Variants in PIEZO1 observed in about 807,000 individuals in gnomAD.
PIEZO1 encodes the protein piezo type mechanosensitive ion channel component 1 (Er blood group).
PIEZO1 carries 296 observed loss-of-function variants against 297.2 expected under a neutral mutation model. That is an observed-to-expected ratio of 1.00 (90% CI 0.91 to 1.10). The LOEUF (loss-of-function observed/expected upper bound fraction) is 1.10, where lower values mean the gene tolerates loss of function less well. Among genes scored for constraint, PIEZO1 ranks in the 50% least tolerant of loss-of-function variants. PIEZO1 has a pLI of 0.00. For missense variants in PIEZO1, 5,018 were observed against 3,455.5 expected, an observed-to-expected ratio of 1.45 and a Z score of -11.34; for synonymous variants, 2,427 against 1,507.5, an observed-to-expected ratio of 1.61 and a Z score of -14.13.
chr16:88,749,164 T>C lies in PIEZO1; in HGVS notation c.160+220A>G, dbSNP rs371998637. Among the ~76,000 whole-genome samples the C allele has an allele frequency of 1.4e-3, 209 of 150,458 alleles. 1 individual carries two copies. The highest frequency in any genetic ancestry group is 4.4e-3 in the Admixed American group (66 of 15,092). The stretch of plus-strand genomic sequence containing the variant: ...CTGAGGCAGGAGAATGGCGTGAACC[T>C]GGGAGGCGAAGCCTGCAGTGAGCAG... On this transcript the variant is annotated intron_variant, in intron 2 of 50. Coordinates refer to ENST00000301015, the MANE Select transcript of PIEZO1 (RefSeq NM_001142864.4).
At chr16:88,749,672 G>C (rs1906284318) in intron 1 of PIEZO1, among the ~76,000 whole-genome samples, 193 bp from the exon 2 acceptor site, 1 of 152,238 alleles carries the variant, frequency 6.6e-6, no homozygotes. Flanking sequence ...ACGGGCACCA[G>C]CCTCCCAGCG....
Position 88,716,154 on chromosome 16 carries a change from G to C in PIEZO1, c.7130-35C>G, listed in dbSNP as rs1039689538. 9 of 1,526,130 alleles carry C rather than the reference G, an allele frequency of 5.9e-6. No individual in the cohort carries two copies. The African/African-American group carries it at 1.1e-4, about 19-fold the overall frequency. 94.5% of individuals were successfully genotyped at this position (1,526,130 alleles called of 1,614,324 possible). On this transcript the variant is annotated intron_variant, in intron 49 of 50. Coordinates refer to ENST00000301015, the MANE Select transcript of PIEZO1 (RefSeq NM_001142864.4). ...AGGGAGAAGATCGTTGAGGCCGCAG[G>C]TCACCCCTCTCTAGCCTCCCCCAAC...
At chr16:88,765,489 A>C (rs1394717546) in intron 1 of PIEZO1, among the ~76,000 whole-genome samples, 1 of 152,116 alleles carries the variant, frequency 6.6e-6, no homozygotes, top group East Asian at 1.9e-4. Context: ...CAGTAAGTGA[A>C]ATGGGGACAG....
At position 88,731,862 on chromosome 16, in the gene PIEZO1, G is replaced by T; in HGVS notation, c.3040C>A (p.Leu1014Met). 2 of 1,521,632 alleles carry T rather than the reference G, an allele frequency of 1.3e-6. No homozygotes were observed. Among genetic ancestry groups the T allele is most frequent in the South Asian group, 1.2e-5 (1 of 83,694 alleles). The allele number at this position is 1,521,632 out of a possible 1,614,324, so 94.3% of individuals were successfully genotyped here. Residue 1014 changes from leucine to methionine, a missense_variant, in exon 22 of 51, where the codon CTG (leucine) becomes ATG (methionine). Transcript: ENST00000301015. ...VNVIGQRMNF[L>M]VTLHGCWLVA... is the part of the protein sequence containing the mutation. ...AGCCAGCAACCGTGCAGGGTCACCA[G>T]AAAGTTCATGCGCTGCCCGATCACG...
At chr16:88,723,691 G>A (rs1183442034) in intron 31 of PIEZO1, among the ~76,000 whole-genome samples, 180 bp downstream of exon 31, 5 of 152,268 alleles carry the variant, frequency 3.3e-5, no homozygotes, top group Admixed American at 2.0e-4. Flanking sequence ...CATGACCCAT[G>A]TCCCTGTAGC....
chr16:88,721,508 C>T, intron 38 of PIEZO1, 30 bp downstream of exon 38: 2 of 1,541,422 alleles, frequency 1.3e-6, no homozygotes, highest in Non-Finnish European at 1.8e-6. Flanking sequence ...CCTGCCCAGC[C>T]CCGCATTGCC....
chr16:88,723,343 C>T lies in PIEZO1; in HGVS notation c.4336-15G>A. On this transcript the variant is annotated splice_polypyrimidine_tract_variant and intron_variant, in intron 31 of 50. Coordinates refer to ENST00000301015, the MANE Select transcript of PIEZO1 (RefSeq NM_001142864.4). ...TGGTACGCCAGCTGTCGGCCAGCCCCCGGGTTAGGACCCGGCCTCCCGAGC... is the reference window on the plus strand; with the variant it reads ...TGGTACGCCAGCTGTCGGCCAGCCCTCGGGTTAGGACCCGGCCTCCCGAGC... 2 of 1,536,640 alleles carry T rather than the reference C, an allele frequency of 1.3e-6. No homozygotes were observed. Among genetic ancestry groups the T allele is most frequent in the Non-Finnish European group, 1.7e-6 (2 of 1,146,516 alleles).
Position 88,743,662 on chromosome 16 carries a change from G to A in PIEZO1, c.161-1240C>T, listed in dbSNP as rs139579332. ...TTGGACACTCAGCCCCCTCTTTCTG[G>A]AGCAAAGACTCATGACCCACGTCCA... On this transcript the variant is annotated intron_variant, in intron 2 of 50. Transcript: ENST00000301015. The A allele has an allele frequency of 6.8e-5, 31 of 456,538 alleles. 1 individual carries two copies. The Middle Eastern group carries it at 1.3e-3, about 19-fold the overall frequency. The allele number at this position is 456,538 out of a possible 1,614,324, so 28.3% of individuals were successfully genotyped here.
intron 1 of PIEZO1, among the ~76,000 whole-genome samples, chr16:88,753,022 C>T (rs929331556): frequency 6.6e-6 from 1 of 151,794 alleles, no homozygotes; most frequent in African/African-American, 2.4e-5. Flanking sequence ...CACTCACCAA[C>T]AACACAGACA....
In PIEZO1 at chr16:88,716,027, G is replaced by A. The variant is rs1277759190; in HGVS notation, c.7222C>T (p.Leu2408=). The A allele has an allele frequency of 2.1e-5, 33 of 1,550,116 alleles. No individual in the cohort carries two copies. The highest frequency in any genetic ancestry group is 2.7e-5 in the Non-Finnish European group (31 of 1,146,926). Residue 2408 remains leucine, a synonymous_variant, in exon 50 of 51, where the codon CTG becomes TTG. Coordinates refer to ENST00000301015, the MANE Select transcript of PIEZO1 (RefSeq NM_001142864.4). ...TGFLEWWVIE[L]QECRTDCNLL... ...TTGCAGTCGGTCCGGCACTCCTGCA[G>A]CTCGATGACCCACCATTCGAGGAAG...
intron 1 of PIEZO1, among the ~76,000 whole-genome samples, chr16:88,769,947 G>T (rs1396831656): frequency 6.6e-6 from 1 of 152,192 alleles, no homozygotes; most frequent in Non-Finnish European, 1.5e-5. Context: ...ATGCCACATG[G>T]CGGGGCAGCA....
At position 88,728,539 on chromosome 16, in the gene PIEZO1, G is replaced by A. The variant is rs570164377; in HGVS notation, c.3197-878C>T. On this transcript the variant is annotated intron_variant, in intron 22 of 50. Coordinates refer to ENST00000301015, the MANE Select transcript of PIEZO1 (RefSeq NM_001142864.4). ...CCCACAGCCCCATCTGCCACAGAGGGAACCTCGCGACCCAAAAACAAAGTG... is the reference window on the plus strand; with the variant it reads ...CCCACAGCCCCATCTGCCACAGAGGAAACCTCGCGACCCAAAAACAAAGTG... Among the ~76,000 whole-genome samples the A allele has an allele frequency of 3.1e-5, 4 of 129,360 alleles. No individual in the cohort carries two copies. The East Asian group carries it at 1.0e-3, about 32-fold the overall frequency. 84.9% of individuals were successfully genotyped at this position (129,360 alleles called of 152,430 possible). A position where few individuals can be genotyped will look rare whatever the true frequency, so the allele number is the denominator to read the frequency against.
intron 1 of PIEZO1, among the ~76,000 whole-genome samples, chr16:88,768,587 G>C (rs1360924706): frequency 6.6e-6 from 1 of 152,248 alleles, no homozygotes; most frequent in African/African-American, 2.4e-5. Context: ...CTGACAAGCA[G>C]GTTGTGGGCG....
chr16:88,731,355 C>A (rs574542374), intron 22 of PIEZO1: 1 of 261,970 alleles, frequency 3.8e-6, no homozygotes, highest in South Asian at 5.7e-5. Context: ...GACGCATGCT[C>A]GAGGCAGCAC....
chr16:88,771,346 T>C (rs1810481598), intron 1 of PIEZO1, among the ~76,000 whole-genome samples: 2 of 152,118 alleles, frequency 1.3e-5, no homozygotes, highest in Non-Finnish European at 2.9e-5. Flanking sequence ...GAGCCAGGAC[T>C]GGGAGCCTCA....
rs71158756 is a variant in PIEZO1, at chr16:88,752,872, T to TCATTCATC, written c.65-3401_65-3394dup. The stretch of plus-strand genomic sequence containing the variant: ...CGCCCCCCAGAGTTTGTTCACTCAT[T>TCATTCATC]CATTCATCCATTCATCCATTCATCC... On this transcript the variant is annotated intron_variant, in intron 1 of 50. Transcript: ENST00000301015. Among the ~76,000 whole-genome samples the TCATTCATC allele has an allele frequency of 1.4e-3, 208 of 150,532 alleles. 3 individuals are homozygous for TCATTCATC. In the East Asian group the frequency reaches 0.031, roughly 23 times the overall value.
chr16:88,765,262 G>C (rs1907121595), intron 1 of PIEZO1, among the ~76,000 whole-genome samples: 1 of 150,554 alleles, frequency 6.6e-6, no homozygotes, highest in African/African-American at 2.5e-5. Flanking sequence ...CAGCCACTCG[G>C]AGGCAGCCTG....
intron 1 of PIEZO1, among the ~76,000 whole-genome samples, chr16:88,760,637 C>G (rs1400643249): frequency 6.6e-6 from 1 of 151,826 alleles, no homozygotes; most frequent in Non-Finnish European, 1.5e-5. Flanking sequence ...CCGAGGGGAG[C>G]CACCCGTCTT....
intron 44 of PIEZO1, chr16:88,717,988 T>C: frequency 6.0e-6 from 2 of 334,812 alleles, no homozygotes; most frequent in South Asian, 2.4e-5. Context: ...GAGGCTGAGG[T>C]GGGAGAATCG....
Sources: allele counts gnomAD v4.1 joint callset (sites outside exome capture counted in the v4.1 genomes callset), GRCh38; gene constraint gnomAD v4.1.1; transcripts MANE v1.5; gene names NCBI Gene and HGNC (gene_info 2026-07-23, HGNC 2026-07-21).